Variants in LARGE1 observed in about 807,000 individuals in gnomAD.
LARGE1 encodes LARGE xylosyl- and glucuronyltransferase 1.
LARGE1 carries 43 observed loss-of-function variants against 87.6 expected under a neutral mutation model. That is an observed-to-expected ratio of 0.49 (90% CI 0.38 to 0.63). LARGE1 has a LOEUF of 0.63. LARGE1 is among the 30% of genes least tolerant of loss of function. LARGE1 has a pLI of 0.00. For synonymous variants in LARGE1, 434 were observed against 394.6 expected, an observed-to-expected ratio of 1.10 and a Z score of -1.18; for missense variants, 802 against 1,000.2, an observed-to-expected ratio of 0.80 and a Z score of 2.67.
intron 4 of LARGE1, among the ~76,000 whole-genome samples, chr22:33,623,864 T>C (rs1417740550): frequency 6.6e-6 from 1 of 151,956 alleles, no homozygotes; most frequent in African/African-American, 2.4e-5. Context: ...ACCCAGTCTC[T>C]ACTAAAAATA....
intron 3 of LARGE1, among the ~76,000 whole-genome samples, chr22:33,634,220 A>C (rs7290109): frequency 0.1 from 15,781 of 152,158 alleles, 2,662 homozygotes; most frequent in African/African-American, 0.35. Flanking sequence ...ACATGGAGTA[A>C]GTGGCTCTCC....
At chr22:33,860,543 G>C (rs2063886142) in intron 1 of LARGE1, among the ~76,000 whole-genome samples, 3 of 152,158 alleles carry the variant, frequency 2.0e-5, no homozygotes. Context: ...CTCCACACTG[G>C]ATTCTCTACT....
chr22:33,409,413 C>A (rs1010068301), intron 7 of LARGE1, among the ~76,000 whole-genome samples: 5 of 152,084 alleles, frequency 3.3e-5, no homozygotes, highest in African/African-American at 1.2e-4. Context: ...ACTGATGGTA[C>A]ATCACTGCCT....
At chr22:33,392,907 T>C (rs2065585121) in intron 7 of LARGE1, among the ~76,000 whole-genome samples, 1 of 152,206 alleles carries the variant, frequency 6.6e-6, no homozygotes, top group Non-Finnish European at 1.5e-5. Flanking sequence ...TTTGCAATAT[T>C]TGCAAACATT....
intron 1 of LARGE1, among the ~76,000 whole-genome samples, chr22:33,902,682 G>T (rs989230084): frequency 6.6e-6 from 1 of 152,152 alleles, no homozygotes; most frequent in African/African-American, 2.4e-5. Flanking sequence ...TTTCAAACAA[G>T]ATATGTACAT....
intron 11 of LARGE1, among the ~76,000 whole-genome samples, chr22:33,184,098 A>G (rs925019952): frequency 1.4e-5 from 2 of 146,640 alleles, no homozygotes; most frequent in African/African-American, 2.5e-5. Context: ...CTATATATAT[A>G]TATATCATAT....
At chr22:33,085,169 G>A in the LARGE1 span, among the ~76,000 whole-genome samples, 2 of 152,184 alleles carry the variant, frequency 1.3e-5, no homozygotes, top group African/African-American at 2.4e-5. Flanking sequence ...CCAGCTGCTC[G>A]GGAGGCTGAG....
intron 9 of LARGE1, among the ~76,000 whole-genome samples, chr22:33,368,199 G>T (rs1051043983): frequency 3.4e-4 from 52 of 152,028 alleles, no homozygotes; most frequent in African/African-American, 1.3e-3. Context: ...ATCTTCTATA[G>T]TCTTAGTAAT....
At chr22:33,073,391 A>AT in the LARGE1 span, among the ~76,000 whole-genome samples, 2 of 152,196 alleles carry the variant, frequency 1.3e-5, no homozygotes, top group African/African-American at 4.8e-5. Context: ...TAAAAATCAT[A>AT]TTTTAGAAGT....
At chr22:33,869,782 C>T (rs531892382) in intron 1 of LARGE1, among the ~76,000 whole-genome samples, 1 of 152,268 alleles carries the variant, frequency 6.6e-6, no homozygotes, top group South Asian at 2.1e-4. Context: ...GGAAGACGTG[C>T]CACATCACGG....
rs35532520 is a variant in LARGE1, at chr22:33,796,767, CTTTTTTTTTTTT to C, written c.-82-35221_-82-35210del. Among the ~76,000 whole-genome samples the C allele has an allele frequency of 2.8e-5, 3 of 106,098 alleles. No homozygotes were observed. In the South Asian group the frequency reaches 9.8e-4, roughly 35 times the overall value. The allele number at this position is 106,098 out of a possible 152,430, so 69.6% of individuals were successfully genotyped here. A position where few individuals can be genotyped will look rare whatever the true frequency, so the allele number is the denominator to read the frequency against. On this transcript the variant is annotated intron_variant, in intron 1 of 14. Transcript: ENST00000397394. ...TAAAGGTGACACAGTAAGACTTGGG[CTTTTTTTTTTTT>C]TTTTTTTTTTCCCCTGAGATGGGAT...
At chr22:33,863,705 T>C (rs1403541458) in intron 1 of LARGE1, among the ~76,000 whole-genome samples, 1 of 151,434 alleles carries the variant, frequency 6.6e-6, no homozygotes, top group East Asian at 1.9e-4. Context: ...GAGGCGGAGG[T>C]TGCAGTGAGC....
chr22:33,428,943 C>CAAAAAAAAAAAAAA (rs375368162), intron 7 of LARGE1, among the ~76,000 whole-genome samples: 1 of 76,992 alleles, frequency 1.3e-5, no homozygotes, highest in Non-Finnish European at 2.9e-5. Context: ...AAAAAAGAAA[C>CAAAAAAAAAAAAAA]AAAAAAAAAA....
At chr22:33,667,358 G>A (rs546834751) in intron 2 of LARGE1, among the ~76,000 whole-genome samples, 1 of 152,182 alleles carries the variant, frequency 6.6e-6, no homozygotes, top group Non-Finnish European at 1.5e-5. Flanking sequence ...CTATCATGAC[G>A]TTTATCTCAG....
intron 2 of LARGE1, among the ~76,000 whole-genome samples, chr22:33,703,592 C>T (rs942324846): frequency 5.9e-5 from 9 of 152,038 alleles, no homozygotes; most frequent in African/African-American, 1.9e-4. Flanking sequence ...CAGGAAGAGT[C>T]GGCGTCGGAG....
intron 12 of LARGE1, among the ~76,000 whole-genome samples, chr22:33,291,744 C>G (rs1362029693): frequency 6.6e-6 from 1 of 151,032 alleles, no homozygotes; most frequent in Admixed American, 6.6e-5. Context: ...GCCTTTCCAC[C>G]TTCTTCCACG....
intron 12 of LARGE1, among the ~76,000 whole-genome samples, chr22:33,301,788 G>T (rs541765072): frequency 1.3e-5 from 2 of 152,328 alleles, no homozygotes; most frequent in South Asian, 4.1e-4. Flanking sequence ...TCTGCATTAA[G>T]CAAGTGCTAA....
At chr22:33,720,469 T>G (rs988120427) in intron 2 of LARGE1, among the ~76,000 whole-genome samples, 1 of 152,156 alleles carries the variant, frequency 6.6e-6, no homozygotes, top group African/African-American at 2.4e-5. Flanking sequence ...CTATACTATA[T>G]AGGCTAGGTG....
intron 6 of LARGE1, among the ~76,000 whole-genome samples, chr22:33,501,184 A>G (rs2070415726): frequency 6.6e-6 from 1 of 152,204 alleles, no homozygotes; most frequent in African/African-American, 2.4e-5. Flanking sequence ...AGTGGATTAG[A>G]GCCACTCTCC....
Sources: allele counts gnomAD v4.1 joint callset (sites outside exome capture counted in the v4.1 genomes callset), GRCh38; gene constraint gnomAD v4.1.1; transcripts MANE v1.5; gene names NCBI Gene and HGNC (gene_info 2026-07-23, HGNC 2026-07-21).